Variants in DNAH10 observed in about 807,000 individuals in gnomAD.
DNAH10 encodes the protein dynein axonemal heavy chain 10, also known as axonemal beta dynein heavy chain 10.
Under a neutral mutation model 506.6 loss-of-function variants are expected in DNAH10, and 348 were observed. That is an observed-to-expected ratio of 0.69 (90% confidence interval 0.63 to 0.75). The LOEUF (loss-of-function observed/expected upper bound fraction) is 0.75, where lower values mean the gene tolerates loss of function less well. Ranked by LOEUF, DNAH10 falls within the 30% of genes least tolerant of loss-of-function variation. DNAH10 has a pLI of 0.00. For synonymous variants in DNAH10, 2,059 were observed against 2,198.6 expected, an observed-to-expected ratio of 0.94 and a Z score of 1.78; for missense variants, 5,179 against 5,787.1, an observed-to-expected ratio of 0.89 and a Z score of 3.41.
intron 30 of DNAH10, 92 bp downstream of exon 30, chr12:123,841,637 C>T (rs1357143252): frequency 7.9e-7 from 1 of 1,271,790 alleles, no homozygotes; most frequent in Non-Finnish European, 1.1e-6. Context: ...GGCTGACATT[C>T]CAAATGAGGT....
chr12:123,829,286 G>A (rs1368742470), intron 25 of DNAH10, among the ~76,000 whole-genome samples: 4 of 152,154 alleles, frequency 2.6e-5, no homozygotes, highest in African/African-American at 7.2e-5. Context: ...CACAGAAAGT[G>A]GGGGCATCGG....
In DNAH10 at chr12:123,818,959, G is replaced by A. The variant is rs1326085932; in HGVS notation, c.3790G>A (p.Ala1264Thr). Reference protein sequence around the residue: ...MAMYNLFPPDAEKELVDKIES... With the variant: ...MAMYNLFPPDTEKELVDKIES... ...TGTTTCTCCTAATTAGCCTCCTGATGCAGAGAAAGAACTGGTTGATAAGAT... is the reference window on the plus strand; with the variant it reads ...TGTTTCTCCTAATTAGCCTCCTGATACAGAGAAAGAACTGGTTGATAAGAT... Residue 1264 changes from alanine (A) to threonine (T), a missense_variant, in exon 22 of 79, where the codon GCA (alanine) becomes ACA (threonine). Physicochemically the swap from Ala to Thr is moderately conservative, Grantham distance 58 (BLOSUM62 0). This residue lies in a region of DNAH10 where 4,844 missense variants were observed against 5,430.5 expected (regional missense o/e 0.89). Coordinates refer to ENST00000673944, the MANE Select transcript of DNAH10 (RefSeq NM_001372106.1). The A allele has an allele frequency of 6.3e-7, 1 of 1,598,516 alleles. No homozygotes were observed. The highest frequency in any genetic ancestry group is 1.7e-5 in the Admixed American group (1 of 57,808).
chr12:123,901,497 G>A (rs1953518438), intron 56 of DNAH10, among the ~76,000 whole-genome samples: 1 of 152,190 alleles, frequency 6.6e-6, no homozygotes, highest in Admixed American at 6.5e-5. Context: ...TGGCTTGTTA[G>A]CTGTGGAGAT....
intron 5 of DNAH10, among the ~76,000 whole-genome samples, chr12:123,777,214 G>A (rs1957474223): frequency 6.6e-6 from 1 of 152,190 alleles, no homozygotes; most frequent in Non-Finnish European, 1.5e-5. Context: ...GGCATCATCA[G>A]CACAGAGATG....
In DNAH10 at chr12:123,861,135, G is replaced by A. The variant is rs762472426; in HGVS notation, c.6873G>A (p.Arg2291=). The A allele has an allele frequency of 1.2e-6, 2 of 1,613,792 alleles. No individual in the cohort carries two copies. Among genetic ancestry groups the A allele is most frequent in the Non-Finnish European group, 1.7e-6 (2 of 1,179,852 alleles). The change falls in exon 39 of 79, where the codon AGG becomes AGA. Residue 2291 remains arginine (R), a synonymous_variant. Transcript: ENST00000673944. The part of the protein sequence containing the change: ...WTDGVLSNIF[R]EINKPTDKKE... ...ATGGGGTGTTGTCAAACATCTTCAG[G>A]GAAATCAACAAGCCAACAGACAAGA...
intron 30 of DNAH10, among the ~76,000 whole-genome samples, chr12:123,842,509 T>C (rs1005650041): frequency 6.6e-6 from 1 of 152,238 alleles, no homozygotes; most frequent in Non-Finnish European, 1.5e-5. Flanking sequence ...TTCTTGTTAT[T>C]ATGAGAACAC....
At chr12:123,899,644 C>T (rs1296573367) in intron 56 of DNAH10, among the ~76,000 whole-genome samples, 2 of 152,166 alleles carry the variant, frequency 1.3e-5, no homozygotes, top group Non-Finnish European at 2.9e-5. Context: ...CCCTGACAGA[C>T]CAATTAGATG....
At chr12:123,799,467 G>T in intron 14 of DNAH10, 96 bp downstream of exon 14, 1 of 1,471,646 alleles carries the variant, frequency 6.8e-7, no homozygotes, top group Non-Finnish European at 9.1e-7. Context: ...CATGAAGTTG[G>T]GTCAGTTTCC....
intron 16 of DNAH10, among the ~76,000 whole-genome samples, chr12:123,802,302 GGTT>G (rs557775462): frequency 5.3e-5 from 8 of 152,192 alleles, no homozygotes; most frequent in South Asian, 4.1e-4. Context: ...TTTAGTTTAA[GGTT>G]GTTGTTGTTG....
At chr12:123,872,161 A>G (rs1952060913) in intron 45 of DNAH10, among the ~76,000 whole-genome samples, 1 of 151,542 alleles carries the variant, frequency 6.6e-6, no homozygotes, top group African/African-American at 2.4e-5. Flanking sequence ...GGTTTCTAAA[A>G]CTTTGCAAGT....
At chr12:123,790,591 G>A (rs374534014) in intron 11 of DNAH10, among the ~76,000 whole-genome samples, 1 of 152,096 alleles carries the variant, frequency 6.6e-6, no homozygotes, top group African/African-American at 2.4e-5. Flanking sequence ...AGCGGAGGGG[G>A]TTTCAGGTGG....
chr12:123,860,939 T>G, intron 38 of DNAH10, 73 bp from the exon 39 acceptor site: 2 of 1,604,244 alleles, frequency 1.2e-6, no homozygotes, highest in South Asian at 2.2e-5. Context: ...TAATTCCTCA[T>G]AGAGGGAACC....
chr12:123,865,589 A>G (rs1951774131), intron 40 of DNAH10, among the ~76,000 whole-genome samples: 1 of 152,238 alleles, frequency 6.6e-6, no homozygotes, highest in Non-Finnish European at 1.5e-5. Context: ...TATGTTAAAA[A>G]AATAATAAAG....
At chr12:123,905,940 CAG>C (rs1953753966) in intron 57 of DNAH10, among the ~76,000 whole-genome samples, 1 of 151,060 alleles carries the variant, frequency 6.6e-6, no homozygotes, top group Non-Finnish European at 1.5e-5. Flanking sequence ...TTTTTTGAGA[CAG>C]AGTCTTGCTC....
chr12:123,893,711 G>A (rs1471045752), intron 53 of DNAH10, among the ~76,000 whole-genome samples: 1 of 151,988 alleles, frequency 6.6e-6, no homozygotes, highest in African/African-American at 2.4e-5. Context: ...TTCCATTTGG[G>A]AAAATTCCAC....
At chr12:123,898,497 T>C (rs12306328) in intron 55 of DNAH10, among the ~76,000 whole-genome samples, 156 bp from the exon 56 acceptor site, 45,205 of 152,252 alleles carry the variant, frequency 0.3, 7,477 homozygotes, top group African/African-American at 0.45. Context: ...TGGCTGATGC[T>C]GTCCCAAGTA....
chr12:123,808,854 A>C lies in DNAH10; in HGVS notation c.3045A>C (p.Glu1015Asp), dbSNP rs1474667252. ...GAAATGTCCCTCTGTTCCACACTGA[A>C]ACCATTCTGACGGCACCTGAGATCA... ...ILGNVPLFHT[E>D]TILTAPEIIL... The change falls in exon 19 of 79, where the codon GAA becomes GAC. Residue 1015 changes from glutamate to aspartate, a missense_variant. Around this residue, in one of 3 missense-constraint regions of DNAH10, gnomAD observed 4,844 missense variants for 5,430.5 expected, o/e 0.89. Coordinates refer to ENST00000673944, the MANE Select transcript of DNAH10 (RefSeq NM_001372106.1). 6.2e-7 allele frequency: 1 copy of C among 1,613,990 alleles called. No homozygotes were observed. Among genetic ancestry groups the C allele is most frequent in the African/African-American group, 1.3e-5 (1 of 74,902 alleles).
In DNAH10 at chr12:123,796,718, C is replaced by T. The variant is rs1958288863; in HGVS notation, c.2049C>T (p.His683=). 21 of 1,613,898 alleles carry T rather than the reference C, an allele frequency of 1.3e-5. No individual in the cohort carries two copies. In the East Asian group the frequency reaches 4.7e-4, roughly 36 times the overall value. The change falls in exon 13 of 79, where the codon CAC becomes CAT. Residue 683 remains histidine (H), a synonymous_variant. Transcript: ENST00000673944. ...NLENPPLYKN[H]PPVAGAIYWE... ...AAAATCCACCACTGTATAAGAATCA[C>T]CCTCCAGTAGCAGGTGCAATATACT...
intron 37 of DNAH10, among the ~76,000 whole-genome samples, chr12:123,858,339 G>C (rs1951481222): frequency 6.6e-6 from 1 of 152,150 alleles, no homozygotes; most frequent in South Asian, 2.1e-4. Context: ...CCTCGGGTCG[G>C]GCAGCTTCAG....
Sources: gnomAD v4.1 joint callset for allele counts (sites outside exome capture counted in the v4.1 genomes callset) on GRCh38, gnomAD v4.1.1 for gene constraint, gnomAD v4.1.1 regional missense constraint, MANE v1.5 for transcripts, NCBI Gene and HGNC (gene_info 2026-07-23, HGNC 2026-07-21) for gene names.